GRID2: variants seen among roughly 807,000 people sequenced by gnomAD.
GRID2 encodes glutamate receptor ionotropic, delta-2.
GRID2 carries 33 observed loss-of-function variants against 114.8 expected under a neutral mutation model. The ratio of observed to expected loss-of-function variants is 0.29; its 90% CI spans 0.22 to 0.38. The LOEUF (loss-of-function observed/expected upper bound fraction) is 0.38. Ranked by LOEUF, GRID2 falls within the 10% of genes least tolerant of loss-of-function variation. GRID2 has a pLI of 1.00. For synonymous variants in GRID2, 505 were observed against 449.9 expected, an observed-to-expected ratio of 1.12 and a Z score of -1.55; for missense variants, 1,184 against 1,257.7, an observed-to-expected ratio of 0.94 and a Z score of 0.89.
chr4:93,598,472 G>C (rs906603893), intron 13 of GRID2, among the ~76,000 whole-genome samples: 1 of 152,018 alleles, frequency 6.6e-6, no homozygotes, highest in Admixed American at 6.6e-5. Context: ...GACTCTAAGA[G>C]GTTTCTAATA....
At chr4:93,691,798 G>A (rs564407993) in intron 14 of GRID2, among the ~76,000 whole-genome samples, 1 of 151,760 alleles carries the variant, frequency 6.6e-6, no homozygotes, top group Admixed American at 6.6e-5. Flanking sequence ...CTGCACATAA[G>A]AATTTACATA....
At chr4:92,451,821 A>G (rs1461275663) in intron 1 of GRID2, among the ~76,000 whole-genome samples, 1 of 152,216 alleles carries the variant, frequency 6.6e-6, no homozygotes, top group South Asian at 2.1e-4. Context: ...TCCAAATATC[A>G]AAAGAGCCTA....
chr4:92,456,392 G>T (rs1721217475), intron 1 of GRID2, among the ~76,000 whole-genome samples: 2 of 151,922 alleles, frequency 1.3e-5, no homozygotes, highest in Admixed American at 6.6e-5. Context: ...AATATTGAAT[G>T]GTTTATATAT....
chr4:92,855,176 A>T (rs183688672), intron 2 of GRID2, among the ~76,000 whole-genome samples: 1 of 152,182 alleles, frequency 6.6e-6, no homozygotes, highest in East Asian at 1.9e-4. Context: ...AGAATGACAA[A>T]TGAATGTCCT....
At chr4:92,377,848 T>G (rs1034173467) in intron 1 of GRID2, among the ~76,000 whole-genome samples, 1 of 152,088 alleles carries the variant, frequency 6.6e-6, no homozygotes, top group Non-Finnish European at 1.5e-5. Context: ...GACCTTTCCC[T>G]GTGATTCAGT....
intron 1 of GRID2, among the ~76,000 whole-genome samples, chr4:92,438,645 G>A (rs140675801): frequency 1.2e-3 from 176 of 151,672 alleles, no homozygotes; most frequent in Non-Finnish European, 1.9e-3. Context: ...GCACATGTTC[G>A]TGCTGTTTTT....
At chr4:92,515,826 C>T (rs944739070) in intron 1 of GRID2, among the ~76,000 whole-genome samples, 1 of 151,852 alleles carries the variant, frequency 6.6e-6, no homozygotes, top group Non-Finnish European at 1.5e-5. Context: ...TCGATGTTAC[C>T]TACATTTTGT....
chr4:93,779,700 GA>G (rs762966562), intron 1 of GRID2, among the ~76,000 whole-genome samples: 7 of 152,316 alleles, frequency 4.6e-5, no homozygotes, highest in Non-Finnish European at 7.3e-5. Context: ...AGGCTGCATG[GA>G]ACAAGTGGAA....
intron 1 of GRID2, among the ~76,000 whole-genome samples, chr4:92,355,733 C>T (rs1244943347): frequency 6.6e-6 from 1 of 151,552 alleles, no homozygotes; most frequent in African/African-American, 2.4e-5. Flanking sequence ...TTTTAAGATA[C>T]GTAAAATAGA....
chr4:93,397,046 T>C (rs1371731417), intron 9 of GRID2, among the ~76,000 whole-genome samples: 1 of 152,054 alleles, frequency 6.6e-6, no homozygotes, highest in African/African-American at 2.4e-5. Flanking sequence ...ACGTTGATGC[T>C]AATTGGATGT....
chr4:93,588,104 T>C (rs1483636594), intron 13 of GRID2, among the ~76,000 whole-genome samples: 1 of 152,046 alleles, frequency 6.6e-6, no homozygotes, highest in East Asian at 1.9e-4. Context: ...ATGAAAAGTA[T>C]GAACAAATAA....
At chr4:93,595,035 C>T (rs1009303804) in intron 13 of GRID2, among the ~76,000 whole-genome samples, 4 of 152,300 alleles carry the variant, frequency 2.6e-5, no homozygotes, top group African/African-American at 9.6e-5. Context: ...AGGCTGGGAG[C>T]TGTAGACCAG....
chr4:93,107,259 A>G (rs564091545), intron 3 of GRID2, among the ~76,000 whole-genome samples: 1 of 152,226 alleles, frequency 6.6e-6, no homozygotes, highest in Non-Finnish European at 1.5e-5. Flanking sequence ...ATGTCATGCC[A>G]CTACACTCCA....
At chr4:93,160,675 T>C (rs1272091132) in intron 4 of GRID2, among the ~76,000 whole-genome samples, 4 of 151,768 alleles carry the variant, frequency 2.6e-5, no homozygotes, top group African/African-American at 7.3e-5. Flanking sequence ...GTTAGCCCTC[T>C]TTAATGGGAT....
At chr4:93,405,755 G>A (rs1191309028) in intron 9 of GRID2, among the ~76,000 whole-genome samples, 1 of 152,070 alleles carries the variant, frequency 6.6e-6, no homozygotes, top group South Asian at 2.1e-4. Context: ...TAATGTTAAG[G>A]TGTCCTTGAA....
chr4:92,535,967 G>A (rs2149157113), intron 1 of GRID2, among the ~76,000 whole-genome samples: 1 of 152,206 alleles, frequency 6.6e-6, no homozygotes, highest in South Asian at 2.1e-4. Context: ...GAGAGATGGT[G>A]CAGACCTTCG....
rs1479037613 is a variant in GRID2, at chr4:92,710,214, A to G, written c.244+119928A>G. Among the ~76,000 whole-genome samples the G allele has an allele frequency of 3.9e-5, 6 of 152,286 alleles. No individual in the cohort carries two copies. The East Asian group carries it at 7.7e-4, about 20-fold the overall frequency. ...AGATTTCCAGCCACTTCAATGTGCA[A>G]CTGATATGGACAAAACTTTTTGTGT... On this transcript the variant is annotated intron_variant, in intron 2 of 15. Coordinates refer to ENST00000282020, the MANE Select transcript of GRID2 (RefSeq NM_001510.4).
At chr4:92,513,696 C>A (rs1481536150) in intron 1 of GRID2, among the ~76,000 whole-genome samples, 1 of 151,836 alleles carries the variant, frequency 6.6e-6, no homozygotes, top group South Asian at 2.1e-4. Flanking sequence ...GGGTAGAGAT[C>A]CTGCCTGCTT....
intron 2 of GRID2, among the ~76,000 whole-genome samples, chr4:92,907,532 C>T (rs924962118): frequency 6.6e-6 from 1 of 152,040 alleles, no homozygotes; most frequent in Admixed American, 6.6e-5. Context: ...CTGCCTCAGT[C>T]CCCCGAGTAG....
Sources: allele counts gnomAD v4.1 joint callset (sites outside exome capture counted in the v4.1 genomes callset), GRCh38; gene constraint gnomAD v4.1.1; transcripts MANE v1.5; gene names NCBI Gene and HGNC (gene_info 2026-07-23, HGNC 2026-07-21).